CUX2: variants seen among roughly 807,000 people sequenced by gnomAD.
CUX2 encodes homeobox protein cut-like 2.
In CUX2, 40 loss-of-function variants were observed where a neutral mutation model predicts 144.8. The ratio of observed to expected loss-of-function variants is 0.28; its 90% CI spans 0.21 to 0.36. The LOEUF (loss-of-function observed/expected upper bound fraction) is 0.36. Ranked by LOEUF, CUX2 falls within the 10% of genes least tolerant of loss-of-function variation. CUX2 has a pLI of 1.00. For missense variants in CUX2, 1,615 were observed against 1,994.0 expected, an observed-to-expected ratio of 0.81 and a Z score of 3.62; for synonymous variants, 827 against 875.6, an observed-to-expected ratio of 0.94 and a Z score of 0.98.
chr12:111,303,608 C>T (rs1236187984), intron 9 of CUX2, among the ~76,000 whole-genome samples: 1 of 151,442 alleles, frequency 6.6e-6, no homozygotes, highest in Non-Finnish European at 1.5e-5. Context: ...TGCACTCCAG[C>T]CTGGGTGACA....
chr12:111,114,821 CAAAT>C (rs1328681193), intron 1 of CUX2, among the ~76,000 whole-genome samples: 2 of 152,190 alleles, frequency 1.3e-5, no homozygotes, highest in African/African-American at 4.8e-5. Context: ...TGATCTGTCT[CAAAT>C]TAATGTTTGT....
At chr12:111,098,860 C>T (rs961172926) in intron 1 of CUX2, among the ~76,000 whole-genome samples, 5 of 152,214 alleles carry the variant, frequency 3.3e-5, no homozygotes, top group African/African-American at 9.6e-5. Flanking sequence ...ACTTAGCAGC[C>T]GCCCATGGGG....
intron 3 of CUX2, among the ~76,000 whole-genome samples, chr12:111,223,734 G>A (rs1009662826): frequency 3.3e-5 from 5 of 152,192 alleles, no homozygotes; most frequent in East Asian, 1.9e-4. Flanking sequence ...CAGTCAAGCC[G>A]TCAGATGACT....
In CUX2 at chr12:111,331,969, A is replaced by G. The variant is rs1380959152; in HGVS notation, c.2927-2472A>G. Among the ~76,000 whole-genome samples the G allele has an allele frequency of 6.6e-5, 10 of 151,744 alleles. No homozygotes were observed. In the South Asian group the frequency reaches 1.7e-3, roughly 25 times the overall value. ...GTGGCAAACGCTTGTAATCCCAGCT[A>G]TGGGGGAGGCTGAGGCAGGAGAATC... On this transcript the variant is annotated intron_variant, in intron 18 of 21. Coordinates refer to ENST00000261726, the MANE Select transcript of CUX2 (RefSeq NM_015267.4).
chr12:111,201,065 C>A (rs1306205860), intron 1 of CUX2, among the ~76,000 whole-genome samples: 2 of 152,080 alleles, frequency 1.3e-5, no homozygotes, highest in African/African-American at 4.8e-5. Flanking sequence ...GCTAAAATGG[C>A]TTGTGACCAC....
At chr12:111,105,438 G>A (rs1192963098) in intron 1 of CUX2, among the ~76,000 whole-genome samples, 3 of 152,186 alleles carry the variant, frequency 2.0e-5, no homozygotes, top group Non-Finnish European at 2.9e-5. Context: ...GCAAAGGGGA[G>A]ATGTTTTGAA....
chr12:111,293,105 G>A lies in CUX2; in HGVS notation c.437-341G>A, dbSNP rs1885777646. ...GCCACTGCACTCGCAGTCCAGCCTG[G>A]GCAACAGACCAAGACTCCGTCTCAA... On this transcript the variant is annotated intron_variant, in intron 5 of 21. Coordinates refer to ENST00000261726, the MANE Select transcript of CUX2 (RefSeq NM_015267.4). This position sits in a 1 kb window ranked among gnomAD's most constrained non-coding sequence, Gnocchi z 4.5. Among the ~76,000 whole-genome samples the A allele has an allele frequency of 6.6e-6, 1 of 151,440 alleles. No individual in the cohort carries two copies. The highest frequency in any genetic ancestry group is 1.5e-5 in the Non-Finnish European group (1 of 67,962).
intron 1 of CUX2, among the ~76,000 whole-genome samples, chr12:111,062,839 G>T (rs1304182886): frequency 6.6e-6 from 1 of 152,230 alleles, no homozygotes; most frequent in Non-Finnish European, 1.5e-5. Context: ...GGAGCGAGAT[G>T]TGCGAAGGCC....
At chr12:111,265,860 G>A (rs1178357806) in intron 4 of CUX2, among the ~76,000 whole-genome samples, 1 of 152,062 alleles carries the variant, frequency 6.6e-6, no homozygotes, top group Non-Finnish European at 1.5e-5. Flanking sequence ...GTTTGAGGCT[G>A]GGGGCCTGTG....
intron 16 of CUX2, among the ~76,000 whole-genome samples, chr12:111,314,054 G>A (rs1887048578): frequency 6.6e-6 from 1 of 152,182 alleles, no homozygotes; most frequent in South Asian, 2.1e-4. Context: ...CCCCGGGAGG[G>A]GTGAGGGGAT....
At chr12:111,200,837 C>T (rs903381412) in intron 1 of CUX2, among the ~76,000 whole-genome samples, 52 of 152,294 alleles carry the variant, frequency 3.4e-4, no homozygotes, top group African/African-American at 1.3e-3. Flanking sequence ...TGAATGCTTC[C>T]ATCTTCGTGC....
chr12:111,232,268 C>A (rs1479967530), intron 3 of CUX2, among the ~76,000 whole-genome samples: 1 of 151,888 alleles, frequency 6.6e-6, no homozygotes, highest in African/African-American at 2.4e-5. Context: ...GTAATCCCAG[C>A]AGTTTGGGAG....
chr12:111,292,353 A>G (rs200129216), intron 5 of CUX2, among the ~76,000 whole-genome samples: 1 of 96,494 alleles, frequency 1.0e-5, no homozygotes, highest in African/African-American at 5.6e-5. Context: ...GCACTTTGGG[A>G]GGCCAAGGCG....
At chr12:111,244,961 G>C (rs143857531) in intron 3 of CUX2, among the ~76,000 whole-genome samples, 8 of 152,188 alleles carry the variant, frequency 5.3e-5, no homozygotes, top group Non-Finnish European at 1.0e-4. Flanking sequence ...TGCCATCCTG[G>C]GCTCTTAGCT....
chr12:111,296,944 C>T (rs896197776), intron 8 of CUX2, among the ~76,000 whole-genome samples: 5 of 150,642 alleles, frequency 3.3e-5, no homozygotes, highest in Admixed American at 6.6e-5. Flanking sequence ...ACCCTCTGGC[C>T]GTCCCAGAGA....
chr12:111,204,682 C>A (rs559148035), intron 1 of CUX2, among the ~76,000 whole-genome samples: 1 of 152,280 alleles, frequency 6.6e-6, no homozygotes, highest in East Asian at 1.9e-4. Context: ...TCCTAAGACC[C>A]TTCATTGGCT....
At chr12:111,158,110 G>A (rs758636637) in intron 1 of CUX2, among the ~76,000 whole-genome samples, 1 of 152,152 alleles carries the variant, frequency 6.6e-6, no homozygotes, top group African/African-American at 2.4e-5. Context: ...GGAGGCCAAC[G>A]ATGGAACGGA....
intron 3 of CUX2, among the ~76,000 whole-genome samples, chr12:111,247,081 G>C (rs936503685): frequency 6.6e-6 from 1 of 152,176 alleles, no homozygotes; most frequent in Non-Finnish European, 1.5e-5. Flanking sequence ...TAATCCTGAT[G>C]ATAACCCTCA....
intron 1 of CUX2, among the ~76,000 whole-genome samples, chr12:111,177,411 A>G (rs1214217441): frequency 6.6e-6 from 1 of 151,550 alleles, no homozygotes; most frequent in African/African-American, 2.4e-5. Flanking sequence ...ATTTTTTTTT[A>G]GCGGAGTCTC....
Sources: allele counts gnomAD v4.1 joint callset (sites outside exome capture counted in the v4.1 genomes callset), GRCh38; gene constraint gnomAD v4.1.1; non-coding constraint Gnocchi (gnomAD v3.1); transcripts MANE v1.5; gene names NCBI Gene and HGNC (gene_info 2026-07-23, HGNC 2026-07-21).